Variants in SOX5 observed in about 807,000 individuals in gnomAD.
SOX5 encodes the protein SRY-box transcription factor 5.
A neutral mutation model predicts 92.0 loss-of-function variants in SOX5; 9 were observed. The observed-to-expected ratio is 0.10, with a 90% CI of 0.06 to 0.17. The LOEUF (loss-of-function observed/expected upper bound fraction) is 0.17, where lower values mean the gene tolerates loss of function less well. Ranked by LOEUF, SOX5 falls within the 10% of genes least tolerant of loss-of-function variation. The pLI, the probability that SOX5 is intolerant of heterozygous loss-of-function variation, is 1.00. For missense variants in SOX5, 642 were observed against 944.5 expected, an observed-to-expected ratio of 0.68 and a Z score of 4.20; for synonymous variants, 344 against 336.3, an observed-to-expected ratio of 1.02 and a Z score of -0.25.
chr12:23,543,460 G>T (rs1471349194), intron 12 of SOX5, 76 bp from the exon 13 acceptor site: 2 of 1,146,472 alleles, frequency 1.7e-6, no homozygotes, highest in Non-Finnish European at 1.3e-6. Context: ...CTATTTTTCA[G>T]TCTATTAAGA....
chr12:23,935,816 A>C (rs1292595170), intron 1 of SOX5, among the ~76,000 whole-genome samples: 1 of 151,196 alleles, frequency 6.6e-6, no homozygotes, highest in Non-Finnish European at 1.5e-5. Context: ...GTAGTTGTTG[A>C]ATAAATAAAG....
intron 7 of SOX5, among the ~76,000 whole-genome samples, chr12:23,662,068 G>A (rs1243788587): frequency 2.6e-5 from 4 of 151,928 alleles, no homozygotes; most frequent in Non-Finnish European, 4.4e-5. Flanking sequence ...GAATGAAGCT[G>A]ACTGATTAAA....
upstream of SOX5, among the ~76,000 whole-genome samples, chr12:23,955,044 T>C (rs1463243025): frequency 1.3e-5 from 2 of 152,090 alleles, no homozygotes; most frequent in African/African-American, 2.4e-5. Context: ...TGTAGACTTA[T>C]CCCAATTACG....
chr12:23,661,213 T>C (rs187178346), intron 7 of SOX5, among the ~76,000 whole-genome samples: 1 of 152,208 alleles, frequency 6.6e-6, no homozygotes, highest in Non-Finnish European at 1.5e-5. Flanking sequence ...CTGTTACAAT[T>C]TGTAAACCAT....
chr12:23,905,572 G>C (rs1214568987), intron 1 of SOX5, among the ~76,000 whole-genome samples: 1 of 152,040 alleles, frequency 6.6e-6, no homozygotes, highest in African/African-American at 2.4e-5. Flanking sequence ...CAGTAGTCCT[G>C]ATAAATAAAA....
chr12:24,462,957 C>A lies in SOX5; in HGVS notation c.-250-94318G>T, dbSNP rs553997738. On this transcript the variant is annotated intron_variant, in intron 1 of 4. Transcript: ENST00000446891. ...TGTTGGTGGGGTGCAGTGGCTCCTG[C>A]CGGTAATCCTAGCACTTTGGGAGGC... Among the ~76,000 whole-genome samples the A allele has an allele frequency of 5.3e-5, 8 of 152,274 alleles. No homozygotes were observed. The East Asian group carries it at 1.5e-3, about 29-fold the overall frequency.
At chr12:24,105,819 A>G (rs1254089754) in intron 4 of SOX5, among the ~76,000 whole-genome samples, 5 of 152,160 alleles carry the variant, frequency 3.3e-5, no homozygotes, top group Admixed American at 2.6e-4. Context: ...AGCATTCAGA[A>G]TAAGTTTTTT....
chr12:23,872,704 C>A (rs185140593), intron 2 of SOX5, among the ~76,000 whole-genome samples: 74 of 152,228 alleles, frequency 4.9e-4, no homozygotes, highest in Admixed American at 1.6e-3. Context: ...ATTTGGTAAC[C>A]ATTTAATATA....
chr12:23,799,190 A>T (rs888206546), intron 3 of SOX5, among the ~76,000 whole-genome samples: 1 of 152,060 alleles, frequency 6.6e-6, no homozygotes, highest in Non-Finnish European at 1.5e-5. Context: ...TTAAAGAACA[A>T]AGGTTAAGAA....
chr12:24,506,276 C>T (rs914535550), intron 1 of SOX5, among the ~76,000 whole-genome samples: 1 of 151,832 alleles, frequency 6.6e-6, no homozygotes, highest in African/African-American at 2.4e-5. Flanking sequence ...AAACATTTTC[C>T]ACTTTTAACT....
chr12:23,943,755 G>T (rs1033238540), intron 1 of SOX5, among the ~76,000 whole-genome samples: 2 of 152,032 alleles, frequency 1.3e-5, no homozygotes, highest in African/African-American at 4.8e-5. Flanking sequence ...TTGATTTAAG[G>T]TTTGACACTG....
intron 1 of SOX5, among the ~76,000 whole-genome samples, chr12:24,487,800 A>AGAT (rs1321681560): frequency 2.6e-5 from 4 of 152,200 alleles, no homozygotes; most frequent in Non-Finnish European, 5.9e-5. Context: ...AGCTGCCAGA[A>AGAT]GATGAGTAAG....
chr12:23,890,354 C>A (rs1314232505), intron 2 of SOX5, among the ~76,000 whole-genome samples: 1 of 151,342 alleles, frequency 6.6e-6, no homozygotes, highest in Non-Finnish European at 1.5e-5. Flanking sequence ...GTTCACTCAA[C>A]ACACAAGTAT....
At chr12:23,698,269 T>G (rs562587124) in intron 6 of SOX5, among the ~76,000 whole-genome samples, 1 of 152,212 alleles carries the variant, frequency 6.6e-6, no homozygotes, top group African/African-American at 2.4e-5. Context: ...CTTAGATATA[T>G]GAATTTATAG....
intron 4 of SOX5, among the ~76,000 whole-genome samples, chr12:24,053,681 C>T (rs891899653): frequency 6.6e-6 from 1 of 152,158 alleles, no homozygotes; most frequent in Non-Finnish European, 1.5e-5. Context: ...GCAAAGTGGG[C>T]TGCAACTTAC....
intron 4 of SOX5, among the ~76,000 whole-genome samples, chr12:23,966,257 G>A (rs1947572463): frequency 7.8e-6 from 1 of 127,416 alleles, no homozygotes. Context: ...TTGGGTAAAG[G>A]GCCTGTACTG....
intron 9 of SOX5, among the ~76,000 whole-genome samples, chr12:23,576,490 C>G (rs1270302899): frequency 6.6e-6 from 1 of 152,200 alleles, no homozygotes; most frequent in African/African-American, 2.4e-5. Flanking sequence ...GTTCTAAACA[C>G]TAAACAAACA....
intron 1 of SOX5, among the ~76,000 whole-genome samples, chr12:24,434,520 G>A (rs1265084767): frequency 6.6e-6 from 1 of 152,118 alleles, no homozygotes; most frequent in African/African-American, 2.4e-5. Context: ...ATATGATTTG[G>A]ATTTGTGTTC....
chr12:23,591,439 T>C (rs1951537729), intron 9 of SOX5, among the ~76,000 whole-genome samples: 1 of 152,132 alleles, frequency 6.6e-6, no homozygotes, highest in Non-Finnish European at 1.5e-5. Flanking sequence ...TCTTCACTTA[T>C]TTTGTTGTAA....
Sources: gnomAD v4.1 joint callset for allele counts (sites outside exome capture counted in the v4.1 genomes callset) on GRCh38, gnomAD v4.1.1 for gene constraint, MANE v1.5 for transcripts, NCBI Gene and HGNC (gene_info 2026-07-23, HGNC 2026-07-21) for gene names.